GALNT13: variants seen among roughly 807,000 people sequenced by gnomAD.
The protein encoded by GALNT13 is polypeptide N-acetylgalactosaminyltransferase 13.
GALNT13 carries 28 observed loss-of-function variants against 64.2 expected under a neutral mutation model. That is an observed-to-expected ratio of 0.44 (90% CI 0.32 to 0.60). The LOEUF is 0.60. GALNT13 is among the 20% of genes least tolerant of loss of function. The pLI, the probability that GALNT13 is intolerant of heterozygous loss-of-function variation, is 0.05. For synonymous variants in GALNT13, 214 were observed against 224.6 expected (o/e 0.95, Z 0.42); for missense variants, 577 against 669.8 (o/e 0.86, Z 1.53).
chr2:153,550,889 T>C, the GALNT13 span, among the ~76,000 whole-genome samples: 74 of 152,302 alleles, frequency 4.9e-4, no homozygotes, highest in Non-Finnish European at 7.6e-4. Flanking sequence ...CCTGCCTTTA[T>C]AGAGTATATG....
intron 9 of GALNT13, among the ~76,000 whole-genome samples, chr2:154,349,649 C>T (rs1302935270): frequency 2.0e-5 from 3 of 152,160 alleles, no homozygotes; most frequent in Non-Finnish European, 2.9e-5. Context: ...GATGTAAATC[C>T]AAACCCTAGG....
chr2:154,154,505 A>G (rs1257171371), intron 4 of GALNT13, among the ~76,000 whole-genome samples: 1 of 152,236 alleles, frequency 6.6e-6, no homozygotes, highest in Middle Eastern at 3.2e-3. Flanking sequence ...AGGAAGCGTT[A>G]TTCTTGCAGT....
At chr2:154,241,897 T>A in intron 4 of GALNT13, 133 bp from the exon 5 acceptor site, 2 of 499,644 alleles carry the variant, frequency 4.0e-6, no homozygotes, top group Non-Finnish European at 6.9e-6. Flanking sequence ...GGAAATGATT[T>A]TAGATATTCA....
At chr2:153,822,499 G>A in the GALNT13 span, among the ~76,000 whole-genome samples, 3 of 152,040 alleles carry the variant, frequency 2.0e-5, no homozygotes, top group Admixed American at 6.6e-5. Flanking sequence ...TATCTCAATA[G>A]ACATATAAAA....
the GALNT13 span, among the ~76,000 whole-genome samples, chr2:153,091,952 C>T: frequency 6.6e-6 from 1 of 152,228 alleles, no homozygotes; most frequent in Admixed American, 6.5e-5. Context: ...CCAATGTTTT[C>T]TGATAGTAGT....
intron 9 of GALNT13, among the ~76,000 whole-genome samples, chr2:154,317,092 A>G (rs1414291770): frequency 6.6e-6 from 1 of 152,040 alleles, no homozygotes; most frequent in Non-Finnish European, 1.5e-5. Context: ...ATGCACCTGT[A>G]GTCCCAGCTA....
chr2:154,245,191 T>TCATCTAG (rs1285068321), intron 6 of GALNT13, among the ~76,000 whole-genome samples: 1 of 152,094 alleles, frequency 6.6e-6, no homozygotes, highest in Admixed American at 6.6e-5. Context: ...TCTTAAGCTA[T>TCATCTAG]CATCTAGATT....
intron 8 of GALNT13, among the ~76,000 whole-genome samples, chr2:154,261,812 T>C (rs1405855432): frequency 6.6e-6 from 1 of 152,120 alleles, no homozygotes; most frequent in Non-Finnish European, 1.5e-5. Context: ...TAGGTGAACA[T>C]AAACTCAACT....
chr2:154,360,782 A>G (rs1397975740), intron 9 of GALNT13, among the ~76,000 whole-genome samples: 1 of 152,066 alleles, frequency 6.6e-6, no homozygotes, highest in African/African-American at 2.4e-5. Context: ...CTTTCAAGGA[A>G]CTCAGTTTGA....
chr2:153,834,441 C>G, the GALNT13 span, among the ~76,000 whole-genome samples: 1 of 152,220 alleles, frequency 6.6e-6, no homozygotes, highest in East Asian at 1.9e-4. Context: ...GGAGTGGTGG[C>G]AACCTGGAGA....
At chr2:153,184,351 T>C in the GALNT13 span, among the ~76,000 whole-genome samples, 1 of 152,228 alleles carries the variant, frequency 6.6e-6, no homozygotes, top group Non-Finnish European at 1.5e-5. Flanking sequence ...AATTTGCTTA[T>C]CAACTTAAGA....
the GALNT13 span, among the ~76,000 whole-genome samples, chr2:153,368,209 T>G: frequency 6.6e-6 from 1 of 152,082 alleles, no homozygotes; most frequent in African/African-American, 2.4e-5. Flanking sequence ...AAAGTGGTGG[T>G]ATTAGGAGGT....
chr2:153,841,922 G>A, the GALNT13 span, among the ~76,000 whole-genome samples: 12 of 152,106 alleles, frequency 7.9e-5, no homozygotes, highest in African/African-American at 2.7e-4. Context: ...GCGGTTCTCA[G>A]GGTTAGAGTT....
chr2:154,389,717 AG>A (rs1441580302), intron 9 of GALNT13, among the ~76,000 whole-genome samples: 2 of 152,212 alleles, frequency 1.3e-5, no homozygotes, highest in Non-Finnish European at 2.9e-5. Flanking sequence ...CCAGGGAAGA[AG>A]GCTTTAACTG....
rs141871098 is a variant in GALNT13 at position 154,375,660 on chromosome 2, C to A, written c.1157-20331C>A. Among the ~76,000 whole-genome samples, 43 of 152,200 alleles carry A rather than the reference C, an allele frequency of 2.8e-4. No individual in the cohort carries two copies. The East Asian group carries it at 6.4e-3, about 23-fold the overall frequency. ...TTATTCTTCCCATTCTCATTCACCT[C>A]ATGGGGGTCAAGACAACTTGACTTT... On this transcript the variant is annotated intron_variant, in intron 9 of 12. Coordinates refer to ENST00000392825, the MANE Select transcript of GALNT13 (RefSeq NM_052917.4).
At chr2:153,800,045 G>GCTCTCTCTCTCTCTCTCTCTCTCTCT in the GALNT13 span, among the ~76,000 whole-genome samples, 153 of 119,008 alleles carry the variant, frequency 1.3e-3, no homozygotes, top group Middle Eastern at 4.9e-3. Flanking sequence ...CATTTAGTTT[G>GCTCTCTCTCTCTCTCTCTCTCTCTCT]CTCTCTCTCT....
the GALNT13 span, among the ~76,000 whole-genome samples, chr2:153,787,735 A>T: frequency 6.6e-6 from 1 of 152,238 alleles, no homozygotes; most frequent in Non-Finnish European, 1.5e-5. Flanking sequence ...AATAGGTAGT[A>T]TAAAAAAGAA....
intron 9 of GALNT13, among the ~76,000 whole-genome samples, chr2:154,332,012 A>G (rs555989827): frequency 2.6e-5 from 4 of 152,238 alleles, no homozygotes; most frequent in African/African-American, 9.6e-5. Flanking sequence ...TTCAGGCTTT[A>G]ATGCTGTTGT....
At chr2:153,183,508 A>G in the GALNT13 span, among the ~76,000 whole-genome samples, 4 of 152,012 alleles carry the variant, frequency 2.6e-5, no homozygotes, top group Non-Finnish European at 5.9e-5. Flanking sequence ...CTTTTGTTGC[A>G]ATTGCTTTTG....
Sources: allele counts gnomAD v4.1 joint callset (sites outside exome capture counted in the v4.1 genomes callset), GRCh38; gene constraint gnomAD v4.1.1; transcripts MANE v1.5; gene names NCBI Gene and HGNC (gene_info 2026-07-23, HGNC 2026-07-21).